Variants in AKAP13 observed in about 807,000 individuals in gnomAD.
AKAP13 encodes A-kinase anchor protein 13.
In AKAP13, 80 loss-of-function variants were observed where a neutral mutation model predicts 264.5. The observed-to-expected ratio is 0.30, with a 90% CI of 0.25 to 0.36. The LOEUF (loss-of-function observed/expected upper bound fraction) is 0.36, where lower values mean the gene tolerates loss of function less well. Ranked by LOEUF, AKAP13 falls within the 10% of genes least tolerant of loss-of-function variation. The pLI is 1.00. For synonymous variants in AKAP13, 1,380 were observed against 1,250.2 expected (o/e 1.10, Z -2.19); for missense variants, 3,712 against 3,435.2 (o/e 1.08, Z -2.01).
intron 13 of AKAP13, among the ~76,000 whole-genome samples, chr15:85,669,205 C>A (rs945959229): frequency 6.6e-6 from 1 of 152,040 alleles, no homozygotes; most frequent in East Asian, 1.9e-4. Flanking sequence ...TGCCTCTGCA[C>A]ATCAGCTGGG....
chr15:85,674,834 G>A (rs2084131525), intron 14 of AKAP13, among the ~76,000 whole-genome samples: 1 of 149,922 alleles, frequency 6.7e-6, no homozygotes, highest in Admixed American at 6.6e-5. Flanking sequence ...ATGTGTGTGT[G>A]TGTGTGTATA....
intron 1 of AKAP13, among the ~76,000 whole-genome samples, chr15:85,399,115 A>G (rs1337338897): frequency 6.6e-6 from 1 of 152,224 alleles, no homozygotes; most frequent in Non-Finnish European, 1.5e-5. Flanking sequence ...TGTCTACAGA[A>G]AGCTTTTGTC....
intron 5 of AKAP13, among the ~76,000 whole-genome samples, chr15:85,550,595 AT>A (rs1184217254): frequency 6.6e-6 from 1 of 152,222 alleles, no homozygotes; most frequent in Non-Finnish European, 1.5e-5. Context: ...GCCCTTTTAG[AT>A]TCCTCTTCAG....
intron 1 of AKAP13, among the ~76,000 whole-genome samples, chr15:85,481,564 G>C: frequency 6.6e-6 from 1 of 152,184 alleles, no homozygotes; most frequent in East Asian, 1.9e-4. Context: ...ATAAAATAAA[G>C]TGGAAAATGT....
intron 2 of AKAP13, among the ~76,000 whole-genome samples, chr15:85,504,557 T>C (rs1022759530): frequency 1.2e-4 from 16 of 134,300 alleles, no homozygotes; most frequent in Non-Finnish European, 2.3e-4. Context: ...CCAGGCATGG[T>C]GGCGTGCATT....
chr15:85,647,768 AC>A (rs2082621201), intron 10 of AKAP13, among the ~76,000 whole-genome samples: 1 of 152,002 alleles, frequency 6.6e-6, no homozygotes, highest in Non-Finnish European at 1.5e-5. Flanking sequence ...ACACGGTGAA[AC>A]CCCATCTCTA....
chr15:85,476,241 G>T (rs1404129135), intron 1 of AKAP13, among the ~76,000 whole-genome samples: 1 of 152,114 alleles, frequency 6.6e-6, no homozygotes, highest in African/African-American at 2.4e-5. Flanking sequence ...GATAATGAGG[G>T]ACCCTGAACA....
At chr15:85,558,963 G>C (rs951282837) in intron 5 of AKAP13, among the ~76,000 whole-genome samples, 1 of 144,576 alleles carries the variant, frequency 6.9e-6, no homozygotes. Context: ...CCCTCCCTTT[G>C]CCGTCCCCTC....
At chr15:85,576,298 ATTT>A (rs1242491380) in intron 6 of AKAP13, among the ~76,000 whole-genome samples, 1 of 152,184 alleles carries the variant, frequency 6.6e-6, no homozygotes, top group Non-Finnish European at 1.5e-5. Context: ...AATCAGGAGT[ATTT>A]TTACAACTAT....
intron 1 of AKAP13, among the ~76,000 whole-genome samples, chr15:85,389,335 C>T (rs1419707591): frequency 6.6e-6 from 1 of 152,188 alleles, no homozygotes; most frequent in Non-Finnish European, 1.5e-5. Context: ...CTCCTCATTG[C>T]ACCATGGTCT....
intron 8 of AKAP13, among the ~76,000 whole-genome samples, chr15:85,612,029 C>T (rs1382597329): frequency 1.3e-5 from 2 of 152,122 alleles, no homozygotes; most frequent in Non-Finnish European, 2.9e-5. Flanking sequence ...CGATGCCAAG[C>T]GTACATGTTT....
At chr15:85,636,664 G>T (rs2082084020) in intron 8 of AKAP13, among the ~76,000 whole-genome samples, 1 of 151,164 alleles carries the variant, frequency 6.6e-6, no homozygotes, top group South Asian at 2.1e-4. Context: ...GTCCAGGCTG[G>T]TGTTCAGTGG....
intron 14 of AKAP13, among the ~76,000 whole-genome samples, chr15:85,680,217 G>A (rs1350803272): frequency 6.6e-6 from 1 of 152,112 alleles, no homozygotes; most frequent in African/African-American, 2.4e-5. Context: ...TAGAATCCAG[G>A]CAAGCTTAGA....
intron 16 of AKAP13, chr15:85,690,068 C>T (rs2085193250): frequency 6.6e-6 from 1 of 152,236 alleles, no homozygotes. Flanking sequence ...AAGTACCCCA[C>T]ATAACAGTGA....
At chr15:85,704,008 T>A (rs983818523) in intron 17 of AKAP13, among the ~76,000 whole-genome samples, 7 of 152,192 alleles carry the variant, frequency 4.6e-5, no homozygotes, top group Non-Finnish European at 8.8e-5. Context: ...GTTTTTTGTT[T>A]TATTTTCATT....
intron 4 of AKAP13, among the ~76,000 whole-genome samples, chr15:85,542,424 A>T (rs2077604936): frequency 6.6e-6 from 1 of 152,258 alleles, no homozygotes; most frequent in African/African-American, 2.4e-5. Flanking sequence ...GAAACAGTGT[A>T]ATTCAGTGTA....
intron 8 of AKAP13, among the ~76,000 whole-genome samples, chr15:85,623,249 C>G (rs1283201462): frequency 3.3e-5 from 5 of 152,152 alleles, no homozygotes; most frequent in Non-Finnish European, 7.3e-5. Context: ...TATCTAAACA[C>G]TCAAAACAAC....
chr15:85,438,323 C>G (rs1393028872), intron 1 of AKAP13, among the ~76,000 whole-genome samples: 1 of 146,192 alleles, frequency 6.8e-6, no homozygotes, highest in Non-Finnish European at 1.5e-5. Context: ...AAAGAGGATA[C>G]AAACAAATGG....
intron 1 of AKAP13, among the ~76,000 whole-genome samples, chr15:85,393,289 G>A (rs980723401): frequency 2.0e-5 from 3 of 152,222 alleles, no homozygotes; most frequent in African/African-American, 7.2e-5. Flanking sequence ...AGACTTTGCA[G>A]TTTGGGAGTT....
Sources: gnomAD v4.1 joint callset for allele counts (sites outside exome capture counted in the v4.1 genomes callset) on GRCh38, gnomAD v4.1.1 for gene constraint, MANE v1.5 for transcripts, NCBI Gene and HGNC (gene_info 2026-07-23, HGNC 2026-07-21) for gene names.